RNLS: variants seen among roughly 807,000 people sequenced by gnomAD.
The protein encoded by RNLS is renalase.
RNLS carries 39 observed loss-of-function variants against 39.8 expected under a neutral mutation model. The observed-to-expected ratio is 0.98, with a 90% CI of 0.76 to 1.28. The LOEUF (loss-of-function observed/expected upper bound fraction) is 1.28, where lower values mean the gene tolerates loss of function less well. RNLS is among the 50% of genes most tolerant of loss of function. The pLI is 0.00. For synonymous variants in RNLS, 147 were observed against 150.7 expected, an observed-to-expected ratio of 0.98 and a Z score of 0.18; for missense variants, 410 against 413.3, an observed-to-expected ratio of 0.99 and a Z score of 0.07.
rs191519028 is a variant in RNLS at position 88,407,355 on chromosome 10, G to A, written c.527-44630C>T. On this transcript the variant is annotated intron_variant, in intron 4 of 6. Transcript: ENST00000331772. ...ATTTATTGTTTTTGTTGCTAGTTTGGTTAGGTTTGTGATTCATTTTTCTAT... is the reference window on the plus strand; with the variant it reads ...ATTTATTGTTTTTGTTGCTAGTTTGATTAGGTTTGTGATTCATTTTTCTAT... Among the ~76,000 whole-genome samples, 164 of 151,984 alleles carry A rather than the reference G, an allele frequency of 1.1e-3. 4 individuals carry two copies. The highest frequency in any genetic ancestry group is 0.011 in the Admixed American group (164 of 15,238).
chr10:88,274,751 C>G, exon 7 of RNLS: 1 of 409,928 alleles, frequency 2.4e-6, no homozygotes, highest in Non-Finnish European at 4.6e-6. Context: ...TATTTCATTT[C>G]TAAAGAAATT....
At chr10:88,507,395 C>T (rs576466902) in intron 4 of RNLS, among the ~76,000 whole-genome samples, 6 of 152,192 alleles carry the variant, frequency 3.9e-5, no homozygotes, top group Admixed American at 3.3e-4. Flanking sequence ...GTCCAATCAG[C>T]TGTAAACAAA....
chr10:88,486,337 A>G (rs1037169021), intron 4 of RNLS, among the ~76,000 whole-genome samples: 7 of 152,200 alleles, frequency 4.6e-5, no homozygotes, highest in African/African-American at 1.7e-4. Flanking sequence ...AAGATGCCAA[A>G]AGCAATTGCA....
At chr10:88,389,672 T>A (rs1401103444) in intron 4 of RNLS, among the ~76,000 whole-genome samples, 1 of 152,168 alleles carries the variant, frequency 6.6e-6, no homozygotes, top group Non-Finnish European at 1.5e-5. Context: ...CGCACAGTTT[T>A]TAAAGCTAAA....
At chr10:88,212,774 T>C in the RNLS span, among the ~76,000 whole-genome samples, 1 of 152,236 alleles carries the variant, frequency 6.6e-6, no homozygotes, top group African/African-American at 2.4e-5. Flanking sequence ...AGTTGTGGAA[T>C]GACTGTCGGT....
the RNLS span, among the ~76,000 whole-genome samples, chr10:88,232,948 T>C: frequency 6.6e-6 from 1 of 152,256 alleles, no homozygotes; most frequent in Non-Finnish European, 1.5e-5. Context: ...AGTATGTACA[T>C]GTTCCAATCC....
At chr10:88,367,486 ATTGT>A (rs1850217269) in intron 4 of RNLS, among the ~76,000 whole-genome samples, 1 of 152,078 alleles carries the variant, frequency 6.6e-6, no homozygotes, top group Non-Finnish European at 1.5e-5. Context: ...GAACATAGGG[ATTGT>A]TTGTAGATTT....
At chr10:88,552,176 T>A (rs1465245088) in intron 4 of RNLS, among the ~76,000 whole-genome samples, 1 of 152,074 alleles carries the variant, frequency 6.6e-6, no homozygotes, top group East Asian at 1.9e-4. Flanking sequence ...CTCAGAGAGA[T>A]CAAGTAACTG....
At chr10:88,491,904 A>G (rs1844900070) in intron 4 of RNLS, among the ~76,000 whole-genome samples, 1 of 151,866 alleles carries the variant, frequency 6.6e-6, no homozygotes, top group Non-Finnish European at 1.5e-5. Flanking sequence ...ACCCAAAGTG[A>G]GAGTATTAGT....
intron 4 of RNLS, among the ~76,000 whole-genome samples, chr10:88,513,042 C>A (rs1846218223): frequency 6.6e-6 from 1 of 152,036 alleles, no homozygotes; most frequent in Non-Finnish European, 1.5e-5. Context: ...TTAAACTCTA[C>A]CTCTGAATGG....
chr10:88,243,247 A>G, the RNLS span, among the ~76,000 whole-genome samples: 1 of 152,220 alleles, frequency 6.6e-6, no homozygotes, highest in Admixed American at 6.5e-5. Flanking sequence ...CAAATTTACA[A>G]GATTATTACT....
chr10:88,238,542 CA>C, the RNLS span, among the ~76,000 whole-genome samples: 2 of 152,220 alleles, frequency 1.3e-5, no homozygotes, highest in Admixed American at 6.5e-5. Context: ...TTTTATCAGA[CA>C]GTGGAATTAC....
At chr10:88,447,536 A>G (rs1842111444) in intron 4 of RNLS, among the ~76,000 whole-genome samples, 1 of 152,270 alleles carries the variant, frequency 6.6e-6, no homozygotes, top group East Asian at 1.9e-4. Flanking sequence ...AGAACATTCC[A>G]TGCTCATGGG....
chr10:88,580,742 T>C (rs1166459067), intron 3 of RNLS, among the ~76,000 whole-genome samples: 1 of 152,078 alleles, frequency 6.6e-6, no homozygotes, highest in Non-Finnish European at 1.5e-5. Flanking sequence ...ACAAAAACAA[T>C]GCATAAACTC....
At chr10:88,275,239 C>T (rs1327382901) in intron 6 of RNLS, among the ~76,000 whole-genome samples, 1 of 152,158 alleles carries the variant, frequency 6.6e-6, no homozygotes, top group African/African-American at 2.4e-5. Context: ...TTTATCCTAA[C>T]CTTGTCCCAC....
At chr10:88,490,237 G>C (rs2576175) in intron 4 of RNLS, among the ~76,000 whole-genome samples, 127,238 of 152,178 alleles carry the variant, frequency 0.84, 53,598 homozygotes, top group East Asian at 1. Flanking sequence ...ACGTTATTTT[G>C]TAATACGTGA....
At chr10:88,438,101 G>A (rs141612249) in intron 4 of RNLS, among the ~76,000 whole-genome samples, 4,404 of 148,944 alleles carry the variant, frequency 0.03, 76 homozygotes, top group Middle Eastern at 0.053. Flanking sequence ...ACTCCAGCCT[G>A]GGCAACAAGA....
At chr10:88,306,444 A>G (rs528952101) in intron 6 of RNLS, among the ~76,000 whole-genome samples, 23 of 152,260 alleles carry the variant, frequency 1.5e-4, no homozygotes, top group Non-Finnish European at 3.1e-4. Flanking sequence ...AGACTAATAA[A>G]GAAGAAAAGA....
intron 4 of RNLS, among the ~76,000 whole-genome samples, chr10:88,528,852 C>CA (rs35644317): frequency 0.074 from 6,750 of 91,012 alleles, 239 homozygotes; most frequent in African/African-American, 0.13. Context: ...GACTCCGTCT[C>CA]AAAAAAAAAA....
Sources: allele counts gnomAD v4.1 joint callset (sites outside exome capture counted in the v4.1 genomes callset), GRCh38; gene constraint gnomAD v4.1.1; transcripts MANE v1.5; gene names NCBI Gene and HGNC (gene_info 2026-07-23, HGNC 2026-07-21).